The following ARHGAP42 variants were observed in gnomAD, a reference collection of about 807,000 sequenced individuals.
ARHGAP42 encodes rho GTPase-activating protein 42.
Under a neutral mutation model 125.0 loss-of-function variants are expected in ARHGAP42, and 63 were observed. The observed-to-expected ratio is 0.50, with a 90% CI of 0.41 to 0.62. The LOEUF is 0.62. Among genes scored for constraint, ARHGAP42 ranks in the 20% least tolerant of loss-of-function variants. ARHGAP42 has a pLI of 0.00. For synonymous variants in ARHGAP42, 339 were observed against 351.0 expected, an observed-to-expected ratio of 0.97 and a Z score of 0.38; for missense variants, 766 against 1,024.2, an observed-to-expected ratio of 0.75 and a Z score of 3.44.
Position 100,688,077 on chromosome 11 carries a change from G to A in ARHGAP42, c.154+245G>A, listed in dbSNP as rs953046275. 15 of 309,360 alleles carry A rather than the reference G, an allele frequency of 4.8e-5. No homozygotes were observed. The Admixed American group carries it at 6.5e-4, about 13-fold the overall frequency. The allele number at this position is 309,360 out of a possible 1,614,324, so 19.2% of individuals were successfully genotyped here. On this transcript the variant is annotated intron_variant, in intron 1 of 23. Coordinates refer to ENST00000298815, the MANE Select transcript of ARHGAP42 (RefSeq NM_152432.4). ...ACTGGAATATATCCTGAGGAAAGTC[G>A]TTCAAAGTCATCTCGTTGTGTAATG...
chr11:100,973,875 T>C (rs1195867706), intron 18 of ARHGAP42, among the ~76,000 whole-genome samples: 1 of 152,202 alleles, frequency 6.6e-6, no homozygotes, highest in African/African-American at 2.4e-5. Context: ...TTATCTCTGA[T>C]CTGGTCCTTG....
chr11:100,815,296 G>A (rs148500749), intron 3 of ARHGAP42, among the ~76,000 whole-genome samples: 19 of 152,144 alleles, frequency 1.2e-4, no homozygotes, highest in African/African-American at 3.1e-4. Flanking sequence ...CATTATGTGC[G>A]TGTATCATAA....
At chr11:100,710,054 A>T (rs1422425191) in intron 1 of ARHGAP42, among the ~76,000 whole-genome samples, 1 of 152,162 alleles carries the variant, frequency 6.6e-6, no homozygotes, top group Admixed American at 6.5e-5. Context: ...AATCAGGAAC[A>T]ACTATTTTCA....
intron 5 of ARHGAP42, 147 bp downstream of exon 5, chr11:100,913,700 C>T (rs567225809): frequency 7.9e-5 from 27 of 341,230 alleles, no homozygotes; most frequent in Non-Finnish European, 1.1e-4. Context: ...TTACTATGGG[C>T]GATACTTTAA....
At chr11:100,875,148 TGTGTGG>T (rs1356243503) in intron 4 of ARHGAP42, among the ~76,000 whole-genome samples, 115 of 137,824 alleles carry the variant, frequency 8.3e-4, no homozygotes, top group African/African-American at 2.8e-3. Flanking sequence ...TGTGTGTGTG[TGTGTGG>T]CTCATGAACT....
chr11:100,887,072 G>A (rs1186370863), intron 4 of ARHGAP42, among the ~76,000 whole-genome samples: 4 of 151,778 alleles, frequency 2.6e-5, no homozygotes, highest in South Asian at 2.1e-4. Context: ...AGTAAATATT[G>A]GTAAGATTCC....
rs1394075935 is a variant in ARHGAP42 at position 100,933,176 on chromosome 11, C to T, written c.618C>T (p.Gly206=). The change falls in exon 7 of 24, where the codon GGC becomes GGT. Residue 206 remains glycine (G), a synonymous_variant. Coordinates refer to ENST00000298815, the MANE Select transcript of ARHGAP42 (RefSeq NM_152432.4). ...TGCAGCTTTTGTCATTTCTTCAGGG[C>T]TTATTTACTTTTTACCATGAGGGAT... ...FVEPLLSFLQ[G]LFTFYHEGYE... 1 of 1,549,372 alleles carries T rather than the reference C, an allele frequency of 6.5e-7. No individual in the cohort carries two copies. Among genetic ancestry groups the T allele is most frequent in the Admixed American group, 2.0e-5 (1 of 50,916 alleles).
chr11:100,718,288 G>A (rs1861700700), intron 1 of ARHGAP42, among the ~76,000 whole-genome samples: 1 of 152,186 alleles, frequency 6.6e-6, no homozygotes, highest in Non-Finnish European at 1.5e-5. Context: ...ATTGTGAATA[G>A]CTCTTGAAGG....
intron 1 of ARHGAP42, among the ~76,000 whole-genome samples, chr11:100,720,598 C>T (rs1040463325): frequency 1.3e-4 from 19 of 151,738 alleles, no homozygotes; most frequent in East Asian, 1.9e-4. Flanking sequence ...ATTTTGAAAA[C>T]GAAAACACCA....
At chr11:100,717,917 C>T (rs568506608) in intron 1 of ARHGAP42, among the ~76,000 whole-genome samples, 2 of 72,702 alleles carry the variant, frequency 2.8e-5, no homozygotes, top group Admixed American at 3.8e-4. Flanking sequence ...GAGCGAGACT[C>T]TGCCTTAAAA....
chr11:100,856,829 T>TCACTA (rs1865332933), intron 3 of ARHGAP42, among the ~76,000 whole-genome samples: 2 of 152,106 alleles, frequency 1.3e-5, no homozygotes, highest in Non-Finnish European at 2.9e-5. Flanking sequence ...GCCTTCCATG[T>TCACTA]GCCAAATCTA....
intron 14 of ARHGAP42, among the ~76,000 whole-genome samples, chr11:100,961,363 G>A (rs538721279): frequency 6.6e-6 from 1 of 152,070 alleles, no homozygotes; most frequent in Non-Finnish European, 1.5e-5. Context: ...AATGGTACCT[G>A]CCTCTTAAGA....
chr11:100,760,632 C>T (rs369006120), intron 1 of ARHGAP42, among the ~76,000 whole-genome samples: 3 of 151,650 alleles, frequency 2.0e-5, no homozygotes, highest in Admixed American at 6.6e-5. Flanking sequence ...ACCCAGGAGG[C>T]GGAGGTTGCA....
At chr11:100,859,673 A>T in intron 4 of ARHGAP42, 48 bp downstream of exon 4, 4 of 1,320,494 alleles carry the variant, frequency 3.0e-6, no homozygotes, top group Non-Finnish European at 4.1e-6. Flanking sequence ...TGATAATTAA[A>T]GATGACATAA....
chr11:100,952,087 G>C (rs901588480), intron 12 of ARHGAP42, among the ~76,000 whole-genome samples: 1 of 152,022 alleles, frequency 6.6e-6, no homozygotes, highest in Non-Finnish European at 1.5e-5. Flanking sequence ...TTATTTTTAA[G>C]TTTTATTTTT....
chr11:100,722,853 T>G (rs2120274599), intron 1 of ARHGAP42, among the ~76,000 whole-genome samples: 1 of 152,352 alleles, frequency 6.6e-6, no homozygotes, highest in African/African-American at 2.4e-5. Flanking sequence ...GTGTTATATC[T>G]AACTTTGGGT....
intron 3 of ARHGAP42, among the ~76,000 whole-genome samples, chr11:100,823,647 C>A (rs1459057040): frequency 1.6e-4 from 24 of 152,136 alleles, no homozygotes; most frequent in Admixed American, 1.6e-3. Context: ...TTGGAGTTCC[C>A]TGCAGGCCCT....
intron 3 of ARHGAP42, among the ~76,000 whole-genome samples, chr11:100,837,924 G>A (rs1007049243): frequency 1.5e-4 from 1 of 6,482 alleles, no homozygotes; most frequent in Non-Finnish European, 2.6e-4. Context: ...CAGTCTAACA[G>A]GTTTTTATTT....
chr11:100,743,586 A>G (rs1051132164), intron 1 of ARHGAP42, among the ~76,000 whole-genome samples: 1 of 152,050 alleles, frequency 6.6e-6, no homozygotes, highest in Admixed American at 6.5e-5. Flanking sequence ...GAGTTCTATG[A>G]GTTTCTTGGA....
Sources: gnomAD v4.1 joint callset for allele counts (sites outside exome capture counted in the v4.1 genomes callset) on GRCh38, gnomAD v4.1.1 for gene constraint, MANE v1.5 for transcripts, NCBI Gene and HGNC (gene_info 2026-07-23, HGNC 2026-07-21) for gene names.